The following SUSD4 variants were observed in gnomAD, a reference collection of about 807,000 sequenced individuals.
SUSD4 encodes the protein sushi domain-containing protein 4.
A neutral mutation model predicts 50.5 loss-of-function variants in SUSD4; 41 were observed. The observed-to-expected ratio is 0.81, with a 90% CI of 0.63 to 1.05. The LOEUF (loss-of-function observed/expected upper bound fraction) is 1.05, where lower values mean the gene tolerates loss of function less well. SUSD4 is among the 50% of genes least tolerant of loss of function. SUSD4 has a pLI of 0.00. For missense variants in SUSD4, 580 were observed against 634.7 expected, an observed-to-expected ratio of 0.91 and a Z score of 0.93; for synonymous variants, 257 against 257.3, an observed-to-expected ratio of 1.00 and a Z score of 0.01.
rs1241805403 is a variant in SUSD4 at position 223,257,502 on chromosome 1, G to A, written c.724+7128C>T. On this transcript the variant is annotated intron_variant, in intron 5 of 8. Coordinates refer to ENST00000366878, the MANE Select transcript of SUSD4 (RefSeq NM_017982.4). The stretch of plus-strand genomic sequence containing the variant: ...GCTCCCAGGCCACCACTGTGGCCAA[G>A]CCTGCTACTCTCTGGCACTTCCCAT... 2.0e-5 allele frequency among the ~76,000 whole-genome samples: 3 copies of A among 152,196 alleles called. No individual in the cohort carries two copies. In the East Asian group the frequency reaches 5.8e-4, roughly 29 times the overall value.
chr1:223,315,355 A>G, intron 2 of SUSD4, among the ~76,000 whole-genome samples: 1 of 152,216 alleles, frequency 6.6e-6, no homozygotes, highest in East Asian at 1.9e-4. Context: ...TAATTACTCA[A>G]CTTCTCTAAT....
rs965138971 is a variant in SUSD4, at chr1:223,231,736, G to A, written c.725-2348C>T. Among the ~76,000 whole-genome samples, 7 of 152,312 alleles carry A rather than the reference G, an allele frequency of 4.6e-5. No homozygotes were observed. Among genetic ancestry groups the A allele is most frequent in the South Asian group, 2.1e-4 (1 of 4,830 alleles). ...CTTCTCTCCTTGGAGGCCCTCCTCCGTGCTGCTTCTCCTCTACTCAATTCC... is the reference window on the plus strand; with the variant it reads ...CTTCTCTCCTTGGAGGCCCTCCTCCATGCTGCTTCTCCTCTACTCAATTCC... On this transcript the variant is annotated intron_variant, in intron 5 of 8. Transcript: ENST00000366878. This position sits in a 1 kb window ranked among gnomAD's most constrained non-coding sequence, Gnocchi z 4.2.
chr1:223,339,451 C>T (rs1230101382), intron 2 of SUSD4, among the ~76,000 whole-genome samples: 3 of 152,080 alleles, frequency 2.0e-5, no homozygotes, highest in East Asian at 3.9e-4. Context: ...AATGAGCCAG[C>T]GGGGCAGGGG....
At chr1:223,232,802 G>C (rs775618217) in intron 5 of SUSD4, among the ~76,000 whole-genome samples, 2 of 152,200 alleles carry the variant, frequency 1.3e-5, no homozygotes, top group Non-Finnish European at 1.5e-5. Flanking sequence ...CTCTACCACT[G>C]ATGAGCTTCA....
chr1:223,231,120 T>A lies in SUSD4; in HGVS notation c.725-1732A>T, dbSNP rs960249292. On this transcript the variant is annotated intron_variant, in intron 5 of 8. Coordinates refer to ENST00000366878, the MANE Select transcript of SUSD4 (RefSeq NM_017982.4). This position sits in a 1 kb window ranked among gnomAD's most constrained non-coding sequence, Gnocchi z 4.2. ...AGTGGAAGGTGGAACCATGGAGGTC[T>A]ATCCCGCGGGAACTGGAGCCCGGGG... Among the ~76,000 whole-genome samples the A allele has an allele frequency of 6.6e-6, 1 of 152,006 alleles. No homozygotes were observed. The highest frequency in any genetic ancestry group is 6.6e-5 in the Admixed American group (1 of 15,264).
At chr1:223,341,233 G>A (rs1368562084) in intron 2 of SUSD4, among the ~76,000 whole-genome samples, 3 of 152,308 alleles carry the variant, frequency 2.0e-5, no homozygotes, top group East Asian at 1.9e-4. Flanking sequence ...ATGGGAACCC[G>A]AAAGGCAGAG....
intron 2 of SUSD4, among the ~76,000 whole-genome samples, chr1:223,353,054 G>A (rs1572125470): frequency 6.6e-6 from 1 of 152,320 alleles, no homozygotes; most frequent in South Asian, 2.1e-4. Context: ...CACAAAAGGA[G>A]CTGACCGGGC....
chr1:223,250,710 A>C (rs1661245746), intron 5 of SUSD4, among the ~76,000 whole-genome samples: 1 of 152,180 alleles, frequency 6.6e-6, no homozygotes, highest in Non-Finnish European at 1.5e-5. Context: ...AAAAGCCTTG[A>C]GGCCTCCAGA....
intron 2 of SUSD4, among the ~76,000 whole-genome samples, chr1:223,342,906 T>C (rs1169482220): frequency 1.3e-5 from 2 of 152,104 alleles, no homozygotes; most frequent in African/African-American, 4.8e-5. Context: ...TCAATGCAAT[T>C]AAAGGCCAGT....
intron 4 of SUSD4, among the ~76,000 whole-genome samples, chr1:223,265,838 G>C (rs1451432896): frequency 6.6e-6 from 1 of 152,218 alleles, no homozygotes; most frequent in Admixed American, 6.5e-5. Flanking sequence ...TTCCAGGAGA[G>C]AACTAATTGT....
Position 223,252,511 on chromosome 1 carries a change from T to C in SUSD4, c.724+12119A>G, listed in dbSNP as rs957222367. ...AGCAGAATGGTAGGCAAAGGTCCCA[T>C]TGGCATGCTGCTTTAGCCATGGTTG... On this transcript the variant is annotated intron_variant, in intron 5 of 8. Coordinates refer to ENST00000366878, the MANE Select transcript of SUSD4 (RefSeq NM_017982.4). 9.9e-5 allele frequency among the ~76,000 whole-genome samples: 15 copies of C among 152,154 alleles called. No individual in the cohort carries two copies. The East Asian group carries it at 1.8e-3, about 18-fold the overall frequency.
intron 2 of SUSD4, among the ~76,000 whole-genome samples, chr1:223,333,474 C>A (rs553851198): frequency 6.6e-6 from 1 of 152,090 alleles, no homozygotes; most frequent in East Asian, 1.9e-4. Context: ...GTAGATTGAA[C>A]ATGTGATCAT....
intron 1 of SUSD4, chr1:223,363,785 G>C (rs1021824474): frequency 4.7e-6 from 1 of 212,704 alleles, no homozygotes; most frequent in Middle Eastern, 1.6e-3. Context: ...GAGCCTCCCC[G>C]CGTCTCGGGG....
In SUSD4 at chr1:223,268,608, T is replaced by G. The variant is rs61737414; in HGVS notation, c.429A>C (p.Leu143=). Residue 143 remains leucine, a synonymous_variant, in exon 4 of 9, where the codon CTA becomes CTC. Coordinates refer to ENST00000366878, the MANE Select transcript of SUSD4 (RefSeq NM_017982.4). ...HNKTYRHGEK[L]IITCHEGFKI... ...TGAATCCTTCATGACAAGTGATGAT[T>G]AGCTTCTCTCCATGTCTATATGTCT... 0.018 allele frequency: 29,053 copies of G among 1,614,114 alleles called. 360 individuals carry two copies. The highest frequency in any genetic ancestry group is 0.038 in the South Asian group (3,489 of 91,036).
At chr1:223,235,174 CTTTT>C (rs1178286485) in intron 5 of SUSD4, 2 of 1,428,860 alleles carry the variant, frequency 1.4e-6, no homozygotes, top group African/African-American at 3.0e-5. Context: ...ACCTAAAGCC[CTTTT>C]CTTTCTAAAA....
At chr1:223,348,675 C>G (rs1368734518) in intron 2 of SUSD4, among the ~76,000 whole-genome samples, 1 of 152,202 alleles carries the variant, frequency 6.6e-6, no homozygotes, top group African/African-American at 2.4e-5. Context: ...CCCCGGTACA[C>G]TACCAACCCT....
intron 3 of SUSD4, among the ~76,000 whole-genome samples, chr1:223,272,139 A>G (rs370515633): frequency 1.3e-5 from 2 of 152,370 alleles, no homozygotes; most frequent in East Asian, 3.9e-4. Context: ...AGGCAGGAGA[A>G]TCGCTTGAAC....
Position 223,221,274 on chromosome 1 carries a change from G to A in SUSD4, c.*918C>T, listed in dbSNP as rs1454553535. The A allele has an allele frequency of 5.1e-6, 2 of 395,672 alleles. No individual in the cohort carries two copies. The highest frequency in any genetic ancestry group is 4.4e-5 in the Admixed American group (1 of 22,638). The allele number at this position is 395,672 out of a possible 1,614,324, so 24.5% of individuals were successfully genotyped here. A position where few individuals can be genotyped will look rare whatever the true frequency, so the allele number is the denominator to read the frequency against. On this transcript the variant is annotated 3_prime_UTR_variant, in exon 9 of 9. Transcript: ENST00000366878. ...AATGTATGGTTCAATTTGGGGCTGG[G>A]GGAACAATGACAATTGTCAACTAGA...
intron 2 of SUSD4, among the ~76,000 whole-genome samples, chr1:223,357,703 C>T (rs912105193): frequency 1.7e-4 from 26 of 152,170 alleles, no homozygotes; most frequent in Admixed American, 1.7e-3. Context: ...ACGCAGATGT[C>T]GGCCAACTTA....
Sources: gnomAD v4.1 joint callset for allele counts (sites outside exome capture counted in the v4.1 genomes callset) on GRCh38, gnomAD v4.1.1 for gene constraint, Gnocchi (gnomAD v3.1) non-coding constraint, MANE v1.5 for transcripts, NCBI Gene and HGNC (gene_info 2026-07-23, HGNC 2026-07-21) for gene names.